Variants in GLMN observed in about 807,000 individuals in gnomAD.
GLMN encodes the protein glomulin, FKBP associated protein, also known as glomulin.
A neutral mutation model predicts 87.8 loss-of-function variants in GLMN; 75 were observed. That is an observed-to-expected ratio of 0.85 (90% confidence interval 0.71 to 1.04). The LOEUF is 1.04. Ranked by LOEUF, GLMN falls within the 50% of genes least tolerant of loss-of-function variation. The pLI is 0.00. For synonymous variants in GLMN, 206 were observed against 221.6 expected (o/e 0.93, Z 0.63); for missense variants, 588 against 658.8 (o/e 0.89, Z 1.18).
chr1:92,249,060 A>G (rs947393217), intron 16 of GLMN, among the ~76,000 whole-genome samples: 1 of 152,136 alleles, frequency 6.6e-6, no homozygotes, highest in African/African-American at 2.4e-5. Flanking sequence ...AAATTATGAC[A>G]TATTAACATA....
intron 8 of GLMN, 133 bp downstream of exon 8, chr1:92,271,332 T>G (rs1656211224): frequency 5.5e-6 from 4 of 731,854 alleles, no homozygotes; most frequent in Non-Finnish European, 9.6e-6. Flanking sequence ...GGGATCATTC[T>G]TATTAAAAAT....
At chr1:92,261,681 C>T (rs1655059269) in intron 16 of GLMN, among the ~76,000 whole-genome samples, 1 of 152,112 alleles carries the variant, frequency 6.6e-6, no homozygotes, top group African/African-American at 2.4e-5. Flanking sequence ...AAAATTTGAA[C>T]ATTTCATTAT....
chr1:92,336,447 T>A, the GLMN span: 1 of 1,477,810 alleles, frequency 6.8e-7, no homozygotes, highest in Non-Finnish European at 9.4e-7. Flanking sequence ...TATATTACAA[T>A]TATCCTTCTC....
upstream of GLMN, among the ~76,000 whole-genome samples, chr1:92,299,684 C>T (rs150411457): frequency 3.8e-4 from 58 of 152,212 alleles, no homozygotes; most frequent in African/African-American, 1.3e-3. Flanking sequence ...ACATTTTAAC[C>T]AAGAAAAATT....
intron 4 of GLMN, 152 bp from the exon 5 acceptor site, chr1:92,290,458 T>C: frequency 1.6e-6 from 1 of 633,686 alleles, no homozygotes; most frequent in Non-Finnish European, 2.8e-6. Flanking sequence ...TGAAAAAATA[T>C]GCATGAGCAA....
chr1:92,323,694 C>T, the GLMN span: 39 of 1,613,812 alleles, frequency 2.4e-5, no homozygotes, highest in Non-Finnish European at 3.0e-5. Context: ...AAGCTAACTC[C>T]AAACACAAAG....
intron 7 of GLMN, among the ~76,000 whole-genome samples, chr1:92,274,109 C>A (rs1448192056): frequency 6.6e-6 from 1 of 152,206 alleles, no homozygotes; most frequent in Non-Finnish European, 1.5e-5. Context: ...ATTTCATCTC[C>A]AAGCTGGTCT....
chr1:92,356,577 C>A, the GLMN span, among the ~76,000 whole-genome samples: 2 of 132,210 alleles, frequency 1.5e-5, no homozygotes, highest in African/African-American at 5.8e-5. Flanking sequence ...TGTCACCACT[C>A]CTGGCTAATT....
chr1:92,288,670 C>A (rs1649055021), intron 6 of GLMN, among the ~76,000 whole-genome samples: 1 of 152,174 alleles, frequency 6.6e-6, no homozygotes, highest in Admixed American at 6.6e-5. Flanking sequence ...CCCAAGCAAT[C>A]CTCTCACTTC....
intron 7 of GLMN, among the ~76,000 whole-genome samples, chr1:92,280,197 C>A (rs540772192): frequency 6.6e-5 from 10 of 152,312 alleles, no homozygotes; most frequent in Non-Finnish European, 1.2e-4. Context: ...GATTGGGAAA[C>A]ACCTGCCAGT....
the GLMN span, among the ~76,000 whole-genome samples, chr1:92,327,705 G>T: frequency 6.7e-6 from 1 of 149,018 alleles, no homozygotes; most frequent in Non-Finnish European, 1.5e-5. Context: ...GCTATTTGTT[G>T]CCTGAACAGC....
chr1:92,257,932 G>C (rs1654475750), intron 16 of GLMN, among the ~76,000 whole-genome samples: 1 of 152,072 alleles, frequency 6.6e-6, no homozygotes, highest in Non-Finnish European at 1.5e-5. Context: ...TTAAACTAAA[G>C]AGCTTCTGCA....
intron 7 of GLMN, among the ~76,000 whole-genome samples, chr1:92,283,591 T>C (rs1185362625): frequency 6.6e-6 from 1 of 152,152 alleles, no homozygotes; most frequent in East Asian, 1.9e-4. Flanking sequence ...ACCACTCCTA[T>C]TCAACACAGT....
intron 7 of GLMN, among the ~76,000 whole-genome samples, chr1:92,278,820 C>A (rs527619614): frequency 1.3e-5 from 2 of 152,280 alleles, no homozygotes; most frequent in African/African-American, 4.8e-5. Context: ...AAATGTACAA[C>A]CAAAGATCTT....
the GLMN span, among the ~76,000 whole-genome samples, chr1:92,351,193 G>A: frequency 1.8e-3 from 268 of 150,238 alleles, 4 homozygotes; most frequent in African/African-American, 6.0e-3. Context: ...TGTAATCCTA[G>A]CTACTCGGGA....
chr1:92,278,699 C>T (rs1389875667), intron 7 of GLMN, among the ~76,000 whole-genome samples: 1 of 152,194 alleles, frequency 6.6e-6, no homozygotes, highest in African/African-American at 2.4e-5. Flanking sequence ...TCCCTCAACT[C>T]TGAAACTCAT....
intron 16 of GLMN, among the ~76,000 whole-genome samples, chr1:92,260,835 A>G (rs939956564): frequency 3.3e-5 from 5 of 151,828 alleles, no homozygotes; most frequent in Admixed American, 2.0e-4. Flanking sequence ...TAAAATGTAC[A>G]TGACAAACAA....
intron 16 of GLMN, among the ~76,000 whole-genome samples, chr1:92,259,073 T>C (rs183863528): frequency 4.4e-4 from 67 of 152,332 alleles, no homozygotes; most frequent in African/African-American, 1.5e-3. Context: ...CATCTCATTG[T>C]TTCCCTTGTC....
chr1:92,292,798 T>G (rs1570978064), intron 3 of GLMN, among the ~76,000 whole-genome samples: 1 of 142,084 alleles, frequency 7.0e-6, no homozygotes, highest in Admixed American at 7.1e-5. Context: ...GAGGCTGAGG[T>G]GGGTGGATCA....
Sources: allele counts gnomAD v4.1 joint callset (sites outside exome capture counted in the v4.1 genomes callset), GRCh38; gene constraint gnomAD v4.1.1; transcripts MANE v1.5; gene names NCBI Gene and HGNC (gene_info 2026-07-23, HGNC 2026-07-21).